The following FTCDNL1 variants were observed in gnomAD, a reference collection of about 807,000 sequenced individuals.
FTCDNL1 encodes the protein formiminotransferase N-terminal subdomain-containing protein.
In FTCDNL1, 11 loss-of-function variants were observed where a neutral mutation model predicts 5.9. That is an observed-to-expected ratio of 1.87 (90% CI 1.18 to 3.10). The LOEUF (loss-of-function observed/expected upper bound fraction) is 3.10. Ranked by LOEUF, FTCDNL1 falls within the 30% of genes most tolerant of loss-of-function variation. FTCDNL1 has a pLI of 0.00. For synonymous variants in FTCDNL1, 58 were observed against 24.8 expected (o/e 2.34, Z -3.99); for missense variants, 115 against 65.5 (o/e 1.76, Z -2.61).
intron 4 of FTCDNL1, among the ~76,000 whole-genome samples, chr2:199,817,858 C>T (rs1282848535): frequency 6.6e-6 from 1 of 152,002 alleles, no homozygotes; most frequent in Non-Finnish European, 1.5e-5. Flanking sequence ...ATTATCCAAC[C>T]ACAGGCAGGT....
At chr2:199,728,194 T>C in the FTCDNL1 span, among the ~76,000 whole-genome samples, 6 of 152,176 alleles carry the variant, frequency 3.9e-5, no homozygotes, top group Non-Finnish European at 7.4e-5. Context: ...TAGAAAGAGT[T>C]TTTAAGGTGA....
the FTCDNL1 span, among the ~76,000 whole-genome samples, chr2:199,716,185 A>G: frequency 6.6e-6 from 1 of 152,114 alleles, no homozygotes; most frequent in Non-Finnish European, 1.5e-5. Flanking sequence ...CCTTTCAAAA[A>G]TGTATTAATT....
chr2:199,809,017 A>C (rs1037959931), downstream of FTCDNL1, among the ~76,000 whole-genome samples: 3 of 152,294 alleles, frequency 2.0e-5, no homozygotes, highest in East Asian at 5.8e-4. Context: ...CAGACCTATC[A>C]GGTCTAACTG....
intron 3 of FTCDNL1, among the ~76,000 whole-genome samples, chr2:199,828,880 T>C (rs1702192179): frequency 6.6e-6 from 1 of 152,220 alleles, no homozygotes; most frequent in Non-Finnish European, 1.5e-5. Flanking sequence ...GGAGTCACTC[T>C]GCTAACAAAA....
downstream of FTCDNL1, among the ~76,000 whole-genome samples, chr2:199,760,148 C>A (rs1318987686): frequency 6.6e-6 from 1 of 150,822 alleles, no homozygotes; most frequent in Non-Finnish European, 1.5e-5. Flanking sequence ...CTGAATAAAC[C>A]AGAATTCTGG....
the FTCDNL1 span, among the ~76,000 whole-genome samples, chr2:199,710,627 C>T: frequency 6.6e-6 from 1 of 152,058 alleles, no homozygotes; most frequent in African/African-American, 2.4e-5. Flanking sequence ...AGGCACTAGA[C>T]CAACAATTTT....
chr2:199,850,510 T>C (rs1033494420), intron 1 of FTCDNL1, among the ~76,000 whole-genome samples: 46 of 152,306 alleles, frequency 3.0e-4, no homozygotes, highest in African/African-American at 1.1e-3. Flanking sequence ...AAATTCACCT[T>C]CACAGCGAAG....
chr2:199,688,109 A>G, the FTCDNL1 span, among the ~76,000 whole-genome samples: 1 of 151,690 alleles, frequency 6.6e-6, no homozygotes, highest in South Asian at 2.1e-4. Flanking sequence ...TTAGCCAGGC[A>G]TAATCTCAGC....
chr2:199,735,629 A>G, the FTCDNL1 span, among the ~76,000 whole-genome samples: 1 of 152,186 alleles, frequency 6.6e-6, no homozygotes, highest in East Asian at 1.9e-4. Flanking sequence ...GAAATGGGCA[A>G]AGAAATCAGA....
At chr2:199,664,606 C>T in the FTCDNL1 span, among the ~76,000 whole-genome samples, 1 of 152,178 alleles carries the variant, frequency 6.6e-6, no homozygotes, top group Non-Finnish European at 1.5e-5. Flanking sequence ...CTATAAATCA[C>T]AGAATACTGG....
At chr2:199,679,305 G>T in the FTCDNL1 span, among the ~76,000 whole-genome samples, 1 of 151,816 alleles carries the variant, frequency 6.6e-6, no homozygotes, top group Non-Finnish European at 1.5e-5. Context: ...TAATATAAAA[G>T]ACAGTAACCA....
At chr2:199,706,711 A>G in the FTCDNL1 span, among the ~76,000 whole-genome samples, 1 of 152,162 alleles carries the variant, frequency 6.6e-6, no homozygotes, top group East Asian at 1.9e-4. Flanking sequence ...CCTTCCATAA[A>G]GTGAATGGAC....
At chr2:199,822,141 G>A (rs1442798512) in intron 3 of FTCDNL1, among the ~76,000 whole-genome samples, 1 of 152,072 alleles carries the variant, frequency 6.6e-6, no homozygotes, top group Non-Finnish European at 1.5e-5. Context: ...AGTGCCTCAC[G>A]CCTGTAATCC....
chr2:199,793,375 A>G (rs1386257645), intron 3 of FTCDNL1, among the ~76,000 whole-genome samples: 2 of 152,186 alleles, frequency 1.3e-5, no homozygotes, highest in Non-Finnish European at 2.9e-5. Context: ...GAGGGGGGGC[A>G]TTACTTGAGA....
the FTCDNL1 span, among the ~76,000 whole-genome samples, chr2:199,702,674 C>T: frequency 6.6e-6 from 1 of 152,190 alleles, no homozygotes; most frequent in East Asian, 1.9e-4. Flanking sequence ...TAGCACAGAT[C>T]TGTGCCCTTG....
At chr2:199,681,943 T>C in the FTCDNL1 span, among the ~76,000 whole-genome samples, 1 of 151,968 alleles carries the variant, frequency 6.6e-6, no homozygotes, top group South Asian at 2.1e-4. Flanking sequence ...TACTTTCCTA[T>C]TACAATCAAA....
chr2:199,735,739 G>C, the FTCDNL1 span, among the ~76,000 whole-genome samples: 1 of 152,176 alleles, frequency 6.6e-6, no homozygotes, highest in Non-Finnish European at 1.5e-5. Flanking sequence ...TCGCACTAAG[G>C]CTGTGTCTTA....
At chr2:199,685,654 T>C in the FTCDNL1 span, among the ~76,000 whole-genome samples, 1 of 152,174 alleles carries the variant, frequency 6.6e-6, no homozygotes, top group African/African-American at 2.4e-5. Flanking sequence ...TCAATTCAAA[T>C]CCATTAATAA....
At chr2:199,744,409 G>GCT in the FTCDNL1 span, among the ~76,000 whole-genome samples, 95 of 150,356 alleles carry the variant, frequency 6.3e-4, no homozygotes, top group African/African-American at 2.0e-3. Context: ...GCTCTCGTGT[G>GCT]CTCTCTCTCT....
Sources: gnomAD v4.1 joint callset for allele counts (sites outside exome capture counted in the v4.1 genomes callset) on GRCh38, gnomAD v4.1.1 for gene constraint, MANE v1.5 for transcripts, NCBI Gene and HGNC (gene_info 2026-07-23, HGNC 2026-07-21) for gene names.